The following SLC6A4 variants were observed in gnomAD, a reference collection of about 807,000 sequenced individuals.
SLC6A4 encodes sodium-dependent serotonin transporter.
Under a neutral mutation model 73.4 loss-of-function variants are expected in SLC6A4, and 22 were observed. That is an observed-to-expected ratio of 0.30 (90% CI 0.21 to 0.43). The LOEUF (loss-of-function observed/expected upper bound fraction) is 0.43. Among genes scored for constraint, SLC6A4 ranks in the 20% least tolerant of loss-of-function variants. SLC6A4 has a pLI of 1.00. For synonymous variants in SLC6A4, 270 were observed against 315.5 expected (o/e 0.86, Z 1.53); for missense variants, 593 against 808.5 (o/e 0.73, Z 3.23).
intron 1 of SLC6A4, among the ~76,000 whole-genome samples, chr17:30,233,505 G>A (rs1344684165): frequency 3.9e-5 from 6 of 152,204 alleles, no homozygotes; most frequent in African/African-American, 1.4e-4. Context: ...TCTGGGTAGA[G>A]AGTACCGGCC....
intron 1 of SLC6A4, among the ~76,000 whole-genome samples, chr17:30,230,097 A>G (rs1020142989): frequency 8.9e-6 from 1 of 112,670 alleles, no homozygotes; most frequent in South Asian, 2.6e-4. Flanking sequence ...GAAGAAGAAG[A>G]GGAGGAAGAG....
intron 5 of SLC6A4, 74 bp from the exon 6 acceptor site, chr17:30,217,378 T>TTA: frequency 6.8e-7 from 1 of 1,461,140 alleles, no homozygotes; most frequent in Non-Finnish European, 9.3e-7. Flanking sequence ...TGCTGCTCCT[T>TTA]TGAGGGTGCC....
rs1337707720 is a variant in SLC6A4, at chr17:30,197,606, T to G, written c.*850A>C. The G allele has an allele frequency of 2.0e-5, 3 of 152,346 alleles. No individual in the cohort carries two copies. The highest frequency in any genetic ancestry group is 4.4e-5 in the Non-Finnish European group (3 of 68,052). The allele number at this position is 152,346 out of a possible 1,614,324, so 9.4% of individuals were successfully genotyped here. On this transcript the variant is annotated 3_prime_UTR_variant, in exon 15 of 15. Transcript: ENST00000650711. ...CCTGTGGAACACTGTCCTGAATGTT[T>G]AGCACAGAGAGACAGGAAGGTGGCA...
intron 1 of SLC6A4, among the ~76,000 whole-genome samples, chr17:30,230,811 G>A (rs770247893): frequency 6.6e-6 from 1 of 152,164 alleles, no homozygotes; most frequent in Non-Finnish European, 1.5e-5. Context: ...GAGGACACGT[G>A]CAACCACCTC....
chr17:30,216,255 A>C, intron 6 of SLC6A4, 39 bp from the exon 7 acceptor site: 3 of 154,910 alleles, frequency 1.9e-5, no homozygotes, highest in South Asian at 8.7e-5. Flanking sequence ...TGTTCCAGGG[A>C]GGGGAGGGGA....
intron 14 of SLC6A4, among the ~76,000 whole-genome samples, chr17:30,200,482 A>G (rs1231795853): frequency 6.6e-6 from 1 of 152,246 alleles, no homozygotes; most frequent in Non-Finnish European, 1.5e-5. Flanking sequence ...TCCAACCGCA[A>G]GACTTCCAGA....
intron 14 of SLC6A4, among the ~76,000 whole-genome samples, chr17:30,201,452 C>T (rs550548834): frequency 6.6e-6 from 1 of 152,154 alleles, no homozygotes; most frequent in Non-Finnish European, 1.5e-5. Flanking sequence ...TCCCTTGTGG[C>T]CAACTGGGGG....
Position 30,198,472 on chromosome 17 carries a change from C to T in SLC6A4, c.1877G>A (p.Arg626His), listed in dbSNP as rs142441982. 2.2e-5 allele frequency: 35 copies of T among 1,602,976 alleles called. No individual in the cohort carries two copies. In the African/African-American group the frequency reaches 3.1e-4, roughly 14 times the overall value. ...TPTEIPCGDIRLNAV is the reference protein window; with the variant it reads ...TPTEIPCGDIHLNAV ...GTGAGTGTGTTACACAGCATTCAAG[C>T]GGATGTCCCCACAAGGAATTTCTGT... The change falls in exon 15 of 15, where the codon CGC becomes CAC. Residue 626 changes from arginine (R) to histidine (H), a missense_variant. Physicochemically the swap from Arg to His is conservative, Grantham distance 29. Coordinates refer to ENST00000650711, the MANE Select transcript of SLC6A4 (RefSeq NM_001045.6).
intron 13 of SLC6A4, 136 bp downstream of exon 13, chr17:30,207,596 G>T: frequency 1.7e-6 from 1 of 589,112 alleles, no homozygotes; most frequent in Admixed American, 3.1e-5. Flanking sequence ...TTGCCATGTT[G>T]GCCGCCTGCC....
rs1190181965 is a variant in SLC6A4 at position 30,194,980 on chromosome 17, TA to T, written c.*3475del. 7 of 152,302 alleles carry T rather than the reference TA, an allele frequency of 4.6e-5. No homozygotes were observed. The highest frequency in any genetic ancestry group is 3.3e-4 in the Admixed American group (5 of 15,294). 9.4% of individuals were successfully genotyped at this position (152,302 alleles called of 1,614,324 possible). On this transcript the variant is annotated 3_prime_UTR_variant, in exon 15 of 15. Transcript: ENST00000650711. Reference sequence around the variant, plus strand: ...TGAAGAAAGTTTATTTTAGTAGCTTTAAAAAAATACTTGCATTGGTGGTAGA... The same window carrying T: ...TGAAGAAAGTTTATTTTAGTAGCTTTAAAAAATACTTGCATTGGTGGTAGA...
At chr17:30,215,002 T>TTCTTTCTTTCTTC (rs149770426) in intron 8 of SLC6A4, among the ~76,000 whole-genome samples, 4 of 142,286 alleles carry the variant, frequency 2.8e-5, no homozygotes, top group Admixed American at 2.2e-4. Flanking sequence ...CTTCCTTCCT[T>TTCTTTCTTTCTTC]TCTTTCTTTC....
chr17:30,232,425 G>C (rs141686103), intron 1 of SLC6A4, among the ~76,000 whole-genome samples: 1 of 152,210 alleles, frequency 6.6e-6, no homozygotes, highest in Non-Finnish European at 1.5e-5. Flanking sequence ...TCTGTCACTC[G>C]TCAGTACCTG....
intron 1 of SLC6A4, among the ~76,000 whole-genome samples, chr17:30,228,298 G>A (rs1337117808): frequency 2.0e-5 from 3 of 152,186 alleles, no homozygotes; most frequent in Non-Finnish European, 2.9e-5. Context: ...AAAGGCTGTC[G>A]TGGGAATTAA....
intron 1 of SLC6A4, among the ~76,000 whole-genome samples, chr17:30,225,517 T>C (rs886730707): frequency 6.6e-6 from 1 of 152,206 alleles, no homozygotes; most frequent in Non-Finnish European, 1.5e-5. Context: ...CTAAGCTTTC[T>C]TTTTTTAAAA....
intron 8 of SLC6A4, among the ~76,000 whole-genome samples, chr17:30,214,835 G>A (rs1207824853): frequency 7.2e-5 from 11 of 151,746 alleles, no homozygotes; most frequent in Admixed American, 5.9e-4. Flanking sequence ...GGGTTTCACC[G>A]TGTTAGCCAG....
Position 30,198,342 on chromosome 17 carries a change from T to C in SLC6A4, c.*114A>G. On this transcript the variant is annotated 3_prime_UTR_variant, in exon 15 of 15. Coordinates refer to ENST00000650711, the MANE Select transcript of SLC6A4 (RefSeq NM_001045.6). ...ACTGTGTCCCTGTGGAGAAGGCCCT[T>C]CCATCATCAGGCTTAGCTGGAAACT... is the stretch of plus-strand genomic sequence containing the variant. 1.5e-6 allele frequency: 1 copy of C among 647,880 alleles called. No homozygotes were observed. The allele number at this position is 647,880 out of a possible 1,614,324, so 40.1% of individuals were successfully genotyped here.
At position 30,221,835 on chromosome 17, in the gene SLC6A4, G is replaced by T; in HGVS notation, c.124C>A (p.Gln42Lys). Residue 42 changes from glutamine to lysine, a missense_variant, in exon 3 of 15, where the codon CAA becomes AAA. Coordinates refer to ENST00000650711, the MANE Select transcript of SLC6A4 (RefSeq NM_001045.6). ...PTPGDKVESGQISNGYSAVPS... is the reference protein window; with the variant it reads ...PTPGDKVESGKISNGYSAVPS... Reference sequence around the variant, plus strand: ...ACTGCTGAGTACCCATTGGATATTTGCCCGGACTCCACTTTGTCCCCTGGG... The same window carrying T: ...ACTGCTGAGTACCCATTGGATATTTTCCCGGACTCCACTTTGTCCCCTGGG... The T allele has an allele frequency of 1.2e-6, 2 of 1,614,148 alleles. No homozygotes were observed. Among genetic ancestry groups the T allele is most frequent in the Non-Finnish European group, 1.7e-6 (2 of 1,180,030 alleles).
rs1282548360 is a variant in SLC6A4 at position 30,197,332 on chromosome 17, G to C, written c.*1124C>G. The C allele has an allele frequency of 6.6e-6, 1 of 152,370 alleles. No individual in the cohort carries two copies. Among genetic ancestry groups the C allele is most frequent in the Admixed American group, 6.5e-5 (1 of 15,274 alleles). The allele number at this position is 152,370 out of a possible 1,614,324, so 9.4% of individuals were successfully genotyped here. A position where few individuals can be genotyped will look rare whatever the true frequency, so the allele number is the denominator to read the frequency against. Reference sequence around the variant, plus strand: ...TAAGGCTAACCCAGACTCTCCAACTGCTCTTGGAGTGAAGATGCCTTGGTT... The same window carrying C: ...TAAGGCTAACCCAGACTCTCCAACTCCTCTTGGAGTGAAGATGCCTTGGTT... On this transcript the variant is annotated 3_prime_UTR_variant, in exon 15 of 15. Transcript: ENST00000650711.
chr17:30,223,456 G>C (rs573255382), intron 1 of SLC6A4, among the ~76,000 whole-genome samples: 1 of 152,312 alleles, frequency 6.6e-6, no homozygotes, highest in Non-Finnish European at 1.5e-5. Flanking sequence ...AACATAGTAA[G>C]TGAAAAATCA....
Sources: gnomAD v4.1 joint callset for allele counts (sites outside exome capture counted in the v4.1 genomes callset) on GRCh38, gnomAD v4.1.1 for gene constraint, MANE v1.5 for transcripts, NCBI Gene and HGNC (gene_info 2026-07-23, HGNC 2026-07-21) for gene names.